The following RBFOX1 variants were observed in gnomAD, a reference collection of about 807,000 sequenced individuals.
RBFOX1 encodes RNA binding protein fox-1 homolog 1.
RBFOX1 carries 8 observed loss-of-function variants against 57.7 expected under a neutral mutation model. That is an observed-to-expected ratio of 0.14 (90% CI 0.08 to 0.25). The LOEUF (loss-of-function observed/expected upper bound fraction) is 0.25. Ranked by LOEUF, RBFOX1 falls within the 10% of genes least tolerant of loss-of-function variation. RBFOX1 has a pLI of 1.00. For missense variants in RBFOX1, 611 were observed against 548.5 expected, an observed-to-expected ratio of 1.11 and a Z score of -1.14; for synonymous variants, 326 against 222.4, an observed-to-expected ratio of 1.47 and a Z score of -4.15.
intron 3 of RBFOX1, among the ~76,000 whole-genome samples, chr16:5,811,021 A>G (rs2055406457): frequency 6.6e-6 from 1 of 152,088 alleles, no homozygotes; most frequent in Admixed American, 6.6e-5. Flanking sequence ...GTACCTTTGC[A>G]GTCCCTCGCT....
At chr16:6,660,660 A>C (rs2098695535) in intron 3 of RBFOX1, among the ~76,000 whole-genome samples, 1 of 152,196 alleles carries the variant, frequency 6.6e-6, no homozygotes, top group Non-Finnish European at 1.5e-5. Flanking sequence ...TGGGAGTGAT[A>C]CAATCTGCTT....
intron 3 of RBFOX1, among the ~76,000 whole-genome samples, chr16:6,827,368 T>G (rs1403174475): frequency 2.6e-5 from 4 of 152,166 alleles, no homozygotes; most frequent in Non-Finnish European, 5.9e-5. Flanking sequence ...ATGTGTTGTG[T>G]GCCTTATCTG....
intron 4 of RBFOX1, among the ~76,000 whole-genome samples, chr16:5,963,326 T>C (rs573148791): frequency 1.3e-5 from 2 of 152,306 alleles, no homozygotes; most frequent in South Asian, 2.1e-4. Context: ...ATTCCCACCA[T>C]TGCCATTCTC....
intron 4 of RBFOX1, among the ~76,000 whole-genome samples, chr16:7,275,420 G>A (rs1283409005): frequency 2.6e-5 from 4 of 152,120 alleles, no homozygotes; most frequent in Admixed American, 1.3e-4. Flanking sequence ...ATATTTATCA[G>A]CAATGATGAT....
chr16:6,293,860 G>A (rs2077747994), intron 1 of RBFOX1, among the ~76,000 whole-genome samples: 1 of 106,848 alleles, frequency 9.4e-6, no homozygotes, highest in Non-Finnish European at 2.1e-5. Flanking sequence ...AATGTTCCTG[G>A]ATGGGTTTAC....
chr16:6,173,922 A>G (rs780021871), intron 1 of RBFOX1, among the ~76,000 whole-genome samples: 1 of 152,026 alleles, frequency 6.6e-6, no homozygotes, highest in Non-Finnish European at 1.5e-5. Context: ...ATTATGAGTC[A>G]GAGGAAAGAG....
intron 4 of RBFOX1, among the ~76,000 whole-genome samples, chr16:7,487,140 T>C (rs1032088284): frequency 6.6e-6 from 1 of 152,122 alleles, no homozygotes; most frequent in Non-Finnish European, 1.5e-5. Flanking sequence ...CCTCAGGTGA[T>C]TTACCCGCCT....
At chr16:5,486,685 A>G (rs1474723538) in intron 2 of RBFOX1, among the ~76,000 whole-genome samples, 20 of 152,222 alleles carry the variant, frequency 1.3e-4, no homozygotes, top group Non-Finnish European at 2.9e-5. Context: ...CTATGTAGGA[A>G]TGCAAGTCTA....
At chr16:7,017,453 G>C (rs1262346218) in intron 3 of RBFOX1, among the ~76,000 whole-genome samples, 1 of 152,142 alleles carries the variant, frequency 6.6e-6, no homozygotes, top group Non-Finnish European at 1.5e-5. Flanking sequence ...AGCATGCAAC[G>C]CACACACTGA....
intron 4 of RBFOX1, among the ~76,000 whole-genome samples, chr16:5,899,353 A>G (rs991046464): frequency 1.3e-5 from 2 of 152,144 alleles, no homozygotes; most frequent in Admixed American, 6.6e-5. Context: ...GCTGTCCATT[A>G]TAGGGGAAAC....
intron 4 of RBFOX1, among the ~76,000 whole-genome samples, chr16:5,948,596 G>T (rs2059452350): frequency 6.6e-6 from 1 of 152,186 alleles, no homozygotes; most frequent in East Asian, 1.9e-4. Context: ...TACAGGGAAG[G>T]CCGTGCGATG....
At chr16:5,793,421 A>T (rs557673143) in intron 3 of RBFOX1, among the ~76,000 whole-genome samples, 1 of 152,256 alleles carries the variant, frequency 6.6e-6, no homozygotes, top group Non-Finnish European at 1.5e-5. Context: ...CTGATTTTCA[A>T]TTCAGCCCGT....
intron 4 of RBFOX1, among the ~76,000 whole-genome samples, chr16:5,913,670 T>C (rs887509124): frequency 2.0e-5 from 3 of 152,210 alleles, no homozygotes; most frequent in Admixed American, 6.5e-5. Flanking sequence ...TATTCCTCTG[T>C]AGCAATGCAA....
At chr16:6,749,428 G>T (rs149263175) in intron 3 of RBFOX1, among the ~76,000 whole-genome samples, 1 of 152,108 alleles carries the variant, frequency 6.6e-6, no homozygotes, top group Non-Finnish European at 1.5e-5. Context: ...TTGCTGTTAC[G>T]GTCACTCAGG....
rs371563800 is a variant in RBFOX1 at position 7,650,274 on chromosome 16, C to T, written c.758-3541C>T. Among the ~76,000 whole-genome samples, 6 of 151,320 alleles carry T rather than the reference C, an allele frequency of 4.0e-5. No individual in the cohort carries two copies. In the East Asian group the frequency reaches 1.2e-3, roughly 30 times the overall value. ...CACTTGAATCCTCCAGCCCTTTCTC[C>T]ATGAAGCCTCTGGCCCAAAGCATGA... On this transcript the variant is annotated intron_variant, in intron 11 of 15. Transcript: ENST00000550418.
intron 1 of RBFOX1, among the ~76,000 whole-genome samples, chr16:6,073,240 A>G (rs989955770): frequency 1.3e-5 from 2 of 152,228 alleles, no homozygotes. Flanking sequence ...TACTCACAGC[A>G]TGCATATTTA....
chr16:6,235,131 T>C (rs1409984379), intron 1 of RBFOX1, among the ~76,000 whole-genome samples: 1 of 152,204 alleles, frequency 6.6e-6, no homozygotes, highest in Admixed American at 6.5e-5. Context: ...CTCTCCTTTT[T>C]GACTCAATTA....
chr16:5,867,135 G>C (rs1035029850), intron 3 of RBFOX1, among the ~76,000 whole-genome samples: 1 of 146,738 alleles, frequency 6.8e-6, no homozygotes. Context: ...TGCTGTGCTT[G>C]GTGGAAGAAA....
intron 4 of RBFOX1, among the ~76,000 whole-genome samples, chr16:7,434,662 C>G (rs1044526910): frequency 6.6e-6 from 1 of 151,962 alleles, no homozygotes; most frequent in African/African-American, 2.4e-5. Context: ...AATACTTTTA[C>G]ATTTACAGAA....
Sources: allele counts gnomAD v4.1 joint callset (sites outside exome capture counted in the v4.1 genomes callset), GRCh38; gene constraint gnomAD v4.1.1; transcripts MANE v1.5; gene names NCBI Gene and HGNC (gene_info 2026-07-23, HGNC 2026-07-21).